The following ARK2C variants were observed in gnomAD, a reference collection of about 807,000 sequenced individuals.
The protein encoded by ARK2C is arkadia (RNF111) C-terminal like ring finger ubiquitin ligase 2C, also known as E3 ubiquitin-protein ligase ARK2C.
the ARK2C span, among the ~76,000 whole-genome samples, chr18:46,367,253 C>T: frequency 0.25 from 37,374 of 152,030 alleles, 5,134 homozygotes; most frequent in African/African-American, 0.35. Flanking sequence ...GGCTGTCATA[C>T]CTGGCTTTCC....
At chr18:46,397,589 T>G in the ARK2C span, among the ~76,000 whole-genome samples, 2 of 51,946 alleles carry the variant, frequency 3.9e-5, no homozygotes, top group African/African-American at 7.8e-5. Context: ...CATGCTGGGG[T>G]GTGAGGGTGT....
chr18:46,456,667 C>T, the ARK2C span: 1 of 1,475,480 alleles, frequency 6.8e-7, no homozygotes, highest in Admixed American at 1.7e-5. Context: ...CACCCCATTT[C>T]CTTCACCAGG....
At chr18:46,393,854 A>C in the ARK2C span, among the ~76,000 whole-genome samples, 1 of 152,216 alleles carries the variant, frequency 6.6e-6, no homozygotes, top group African/African-American at 2.4e-5. Context: ...CTGGGTTCAA[A>C]TCTTGCCTCT....
chr18:46,450,678 A>C, the ARK2C span: 1 of 1,573,802 alleles, frequency 6.4e-7, no homozygotes, highest in Non-Finnish European at 8.7e-7. Context: ...TGCTGAGCAC[A>C]CATGTGCACA....
chr18:46,379,389 C>T, the ARK2C span, among the ~76,000 whole-genome samples: 2 of 152,176 alleles, frequency 1.3e-5, no homozygotes, highest in Non-Finnish European at 2.9e-5. Flanking sequence ...TTTCAGGGCT[C>T]ATATCTTATT....
chr18:46,456,503 C>T, the ARK2C span: 3 of 1,592,728 alleles, frequency 1.9e-6, no homozygotes, highest in Admixed American at 1.7e-5. Context: ...CTCTGACTCT[C>T]CCTCCTCTCT....
the ARK2C span, among the ~76,000 whole-genome samples, chr18:46,369,366 G>GGT: frequency 3.3e-5 from 5 of 151,322 alleles, no homozygotes; most frequent in South Asian, 4.2e-4. Flanking sequence ...GTAGAATCCT[G>GGT]GTGTGTGTGT....
At chr18:46,446,612 A>G in the ARK2C span, among the ~76,000 whole-genome samples, 2 of 141,238 alleles carry the variant, frequency 1.4e-5, no homozygotes, top group African/African-American at 5.2e-5. Flanking sequence ...TGGAGGTTGC[A>G]GTGAGCCGAG....
chr18:46,387,486 G>A, the ARK2C span, among the ~76,000 whole-genome samples: 1 of 152,226 alleles, frequency 6.6e-6, no homozygotes, highest in South Asian at 2.1e-4. Context: ...CCAGGACTAG[G>A]GGAGAAACTT....
the ARK2C span, among the ~76,000 whole-genome samples, chr18:46,398,177 G>T: frequency 1.3e-5 from 2 of 149,188 alleles, no homozygotes; most frequent in Non-Finnish European, 3.0e-5. Context: ...GTGTGTGCAT[G>T]TGGTGTATGT....
At chr18:46,346,247 G>A in the ARK2C span, among the ~76,000 whole-genome samples, 1 of 152,218 alleles carries the variant, frequency 6.6e-6, no homozygotes, top group Non-Finnish European at 1.5e-5. Flanking sequence ...GTGGGAAGGG[G>A]ATCTTCTGAG....
the ARK2C span, among the ~76,000 whole-genome samples, chr18:46,366,603 C>T: frequency 6.6e-6 from 1 of 152,160 alleles, no homozygotes; most frequent in Non-Finnish European, 1.5e-5. Context: ...GTTCACAGCC[C>T]AGTGGTCCTT....
At chr18:46,346,175 C>G in the ARK2C span, among the ~76,000 whole-genome samples, 2 of 152,076 alleles carry the variant, frequency 1.3e-5, no homozygotes, top group Admixed American at 6.6e-5. Context: ...CTCAAGTGTG[C>G]CAGGCCTAGG....
the ARK2C span, chr18:46,457,247 A>G: frequency 1.3e-5 from 2 of 151,948 alleles, no homozygotes; most frequent in East Asian, 3.9e-4. Context: ...AAGGTGGAAG[A>G]AAAAAAAAGC....
At chr18:46,443,550 T>A in the ARK2C span, among the ~76,000 whole-genome samples, 1 of 152,196 alleles carries the variant, frequency 6.6e-6, no homozygotes, top group Non-Finnish European at 1.5e-5. Context: ...GGTTGGCAAA[T>A]TATGGCCTGT....
chr18:46,378,763 G>T, the ARK2C span, among the ~76,000 whole-genome samples: 16 of 152,294 alleles, frequency 1.1e-4, no homozygotes, highest in African/African-American at 2.9e-4. Flanking sequence ...GGTGGGGCTT[G>T]GCATCACGAA....
chr18:46,369,160 C>T, the ARK2C span, among the ~76,000 whole-genome samples: 11 of 152,104 alleles, frequency 7.2e-5, no homozygotes, highest in African/African-American at 2.4e-4. Flanking sequence ...TTTGTTTTCC[C>T]CTGTGTGTAT....
the ARK2C span, among the ~76,000 whole-genome samples, chr18:46,435,010 C>T: frequency 6.6e-6 from 1 of 152,086 alleles, no homozygotes; most frequent in Non-Finnish European, 1.5e-5. Context: ...GTGGGTGGAG[C>T]CAGGTAATCT....
At chr18:46,379,075 G>A in the ARK2C span, among the ~76,000 whole-genome samples, 8 of 152,236 alleles carry the variant, frequency 5.3e-5, no homozygotes, top group Non-Finnish European at 8.8e-5. Flanking sequence ...GAGTGTGTGG[G>A]TGTTGGGGGC....
Sources: gnomAD v4.1 joint callset for allele counts (sites outside exome capture counted in the v4.1 genomes callset) on GRCh38, gnomAD v4.1.1 for gene constraint, MANE v1.5 for transcripts, NCBI Gene and HGNC (gene_info 2026-07-23, HGNC 2026-07-21) for gene names.